The following INPP5D variants were observed in gnomAD, a reference collection of about 807,000 sequenced individuals.
The protein encoded by INPP5D is inositol polyphosphate-5-phosphatase D.
In INPP5D, 33 loss-of-function variants were observed where a neutral mutation model predicts 122.9. The ratio of observed to expected loss-of-function variants is 0.27; its 90% CI spans 0.20 to 0.36. The LOEUF is 0.36. Among genes scored for constraint, INPP5D ranks in the 10% least tolerant of loss-of-function variants. INPP5D has a pLI of 1.00. For missense variants in INPP5D, 1,053 were observed against 1,412.7 expected, an observed-to-expected ratio of 0.75 and a Z score of 4.08; for synonymous variants, 584 against 576.2, an observed-to-expected ratio of 1.01 and a Z score of -0.19.
rs1190727447 is a variant in INPP5D, at chr2:233,198,091, G to A, written c.2694-4G>A. On this transcript the variant is annotated splice_polypyrimidine_tract_variant and splice_region_variant and intron_variant, in intron 24 of 26. Coordinates refer to ENST00000445964, the MANE Select transcript of INPP5D (RefSeq NM_001017915.3). ...TGAGATGTGACTCCATGTCCTCCCT[G>A]CAGGGCCCCTCCGTGCAGTGGCTCC... The A allele has an allele frequency of 6.3e-7, 1 of 1,585,858 alleles. No homozygotes were observed. The highest frequency in any genetic ancestry group is 1.8e-5 in the Admixed American group (1 of 56,866).
chr2:233,113,953 C>T (rs1053368340), intron 2 of INPP5D, among the ~76,000 whole-genome samples: 2 of 145,062 alleles, frequency 1.4e-5, no homozygotes, highest in African/African-American at 2.7e-5. Flanking sequence ...GTCGCCCAGG[C>T]TGGATGGAGT....
In INPP5D at chr2:233,207,881, A is replaced by C. The variant is rs940326968; in HGVS notation, c.*1173A>C. ...CCCATGATGGAAGTCTGCGTAACCA[A>C]TAAATTGTGCCTTTCTCACTCAGCT... On this transcript the variant is annotated 3_prime_UTR_variant, in exon 27 of 27. Coordinates refer to ENST00000445964, the MANE Select transcript of INPP5D (RefSeq NM_001017915.3). This position sits in a 1 kb window ranked among gnomAD's most constrained non-coding sequence, Gnocchi z 4.6. 3 of 152,380 alleles carry C rather than the reference A, an allele frequency of 2.0e-5. No homozygotes were observed. Among genetic ancestry groups the C allele is most frequent in the African/African-American group, 7.2e-5 (3 of 41,446 alleles). 9.4% of individuals were successfully genotyped at this position (152,380 alleles called of 1,614,324 possible). A position where few individuals can be genotyped will look rare whatever the true frequency, so the allele number is the denominator to read the frequency against.
intron 1 of INPP5D, among the ~76,000 whole-genome samples, chr2:233,066,617 CT>C (rs201139975): frequency 0.011 from 1,693 of 151,776 alleles, 38 homozygotes; most frequent in African/African-American, 0.039. Context: ...TCTTAATTTT[CT>C]TTTTTTCCAA....
intron 6 of INPP5D, chr2:233,141,171 G>A (rs1693624205): frequency 6.6e-6 from 1 of 152,146 alleles, no homozygotes; most frequent in Non-Finnish European, 1.5e-5. Context: ...CCATTTGTAT[G>A]CAAATGTGAA....
chr2:233,186,841 C>T (rs1210255181), intron 21 of INPP5D, among the ~76,000 whole-genome samples: 1 of 149,478 alleles, frequency 6.7e-6, no homozygotes, highest in Non-Finnish European at 1.5e-5. Context: ...TCCTGCCTCA[C>T]CCTCCTGAGT....
chr2:233,060,920 C>T (rs983836475), intron 1 of INPP5D, among the ~76,000 whole-genome samples: 2 of 152,110 alleles, frequency 1.3e-5, no homozygotes, highest in Admixed American at 6.5e-5. Context: ...CTTTTGGAGC[C>T]AGGAGGAAGC....
intron 2 of INPP5D, among the ~76,000 whole-genome samples, chr2:233,096,425 G>C (rs1479023351): frequency 6.6e-6 from 1 of 152,204 alleles, no homozygotes; most frequent in East Asian, 1.9e-4. Context: ...GCAGAGCTGG[G>C]CGGATCACCA....
chr2:233,198,049 A>G (rs762060505), intron 24 of INPP5D, 46 bp from the exon 25 acceptor site: 1 of 1,502,084 alleles, frequency 6.7e-7, no homozygotes, highest in East Asian at 2.3e-5. Context: ...GCTGACCCCG[A>G]GAAGGGAAGG....
Position 233,161,612 on chromosome 2 carries a change from C to G in INPP5D, c.1138-112C>G, listed in dbSNP as rs773831487. Reference sequence around the variant, plus strand: ...TTTCCAGGTTGCTGTCCTGGAAGTTCACACTGATTTACGCTCCTCTCAGTT... The same window carrying G: ...TTTCCAGGTTGCTGTCCTGGAAGTTGACACTGATTTACGCTCCTCTCAGTT... On this transcript the variant is annotated intron_variant, in intron 10 of 26. Transcript: ENST00000445964. The G allele has an allele frequency of 1.9e-5, 27 of 1,385,752 alleles. 1 individual carries two copies. Among genetic ancestry groups the G allele is most frequent in the Admixed American group, 1.2e-4 (4 of 34,614 alleles). 85.8% of individuals were successfully genotyped at this position (1,385,752 alleles called of 1,614,324 possible).
Position 233,164,684 on chromosome 2 carries a change from A to G in INPP5D, c.1555+260A>G, listed in dbSNP as rs560938290. On this transcript the variant is annotated intron_variant, in intron 13 of 26. Coordinates refer to ENST00000445964, the MANE Select transcript of INPP5D (RefSeq NM_001017915.3). This position sits in a 1 kb window ranked among gnomAD's most constrained non-coding sequence, Gnocchi z 4.3. The stretch of plus-strand genomic sequence containing the variant: ...ATCTTGGGTGGAGCTCAGGGTTCCA[A>G]GTTTCTGACAGGTTCCCAGGCGACT... Among the ~76,000 whole-genome samples the G allele has an allele frequency of 6.6e-6, 1 of 152,268 alleles. No homozygotes were observed. Among genetic ancestry groups the G allele is most frequent in the South Asian group, 2.1e-4 (1 of 4,820 alleles).
chr2:233,140,465 C>A (rs1693610397), intron 6 of INPP5D: 1 of 152,230 alleles, frequency 6.6e-6, no homozygotes, highest in African/African-American at 2.4e-5. Flanking sequence ...ATACCTGCAA[C>A]AAAGCTTAGG....
At chr2:233,080,018 C>T (rs1308409368) in intron 2 of INPP5D, among the ~76,000 whole-genome samples, 1 of 152,210 alleles carries the variant, frequency 6.6e-6, no homozygotes, top group Non-Finnish European at 1.5e-5. Flanking sequence ...CAACCTCCAC[C>T]TCCCAGGTTC....
intron 22 of INPP5D, among the ~76,000 whole-genome samples, chr2:233,191,528 C>T (rs889312314): frequency 9.9e-5 from 15 of 152,120 alleles, no homozygotes; most frequent in African/African-American, 2.4e-4. Context: ...ACAGCCACAG[C>T]ATATGAGGAA....
intron 2 of INPP5D, among the ~76,000 whole-genome samples, chr2:233,089,042 G>C (rs1691924236): frequency 2.0e-5 from 3 of 152,192 alleles, no homozygotes; most frequent in Non-Finnish European, 4.4e-5. Flanking sequence ...TATTCCTTAA[G>C]GGTCAGGGGT....
In INPP5D at chr2:233,197,410, C is replaced by T. The variant is rs1296477451; in HGVS notation, c.2694-685C>T. On this transcript the variant is annotated intron_variant, in intron 24 of 26. Transcript: ENST00000445964. The surrounding 1 kb of genome is among the most constrained non-coding windows in gnomAD (Gnocchi z 4.4). Reference sequence around the variant, plus strand: ...ACACAAATGTGTGAGCTGATGTGTTCCAGAGGAACCCCTGCTGGAGTCTGC... The same window carrying T: ...ACACAAATGTGTGAGCTGATGTGTTTCAGAGGAACCCCTGCTGGAGTCTGC... Among the ~76,000 whole-genome samples the T allele has an allele frequency of 1.3e-5, 2 of 152,090 alleles. No individual in the cohort carries two copies. The highest frequency in any genetic ancestry group is 2.9e-5 in the Non-Finnish European group (2 of 67,982).
In INPP5D at chr2:233,163,670, C is replaced by T. The variant is rs749087989; in HGVS notation, c.1241-37C>T. On this transcript the variant is annotated intron_variant, in intron 11 of 26. Coordinates refer to ENST00000445964, the MANE Select transcript of INPP5D (RefSeq NM_001017915.3). ...TCTCCTAATGCTTTGACTCGATGTG[C>T]CTTTGACTCACTTGGTGTTGGGTTT... 3.1e-6 allele frequency: 5 copies of T among 1,612,632 alleles called. No individual in the cohort carries two copies. In the Admixed American group the frequency reaches 8.4e-5, roughly 27 times the overall value.
At chr2:233,083,894 CT>C (rs1429923530) in intron 2 of INPP5D, among the ~76,000 whole-genome samples, 2 of 150,988 alleles carry the variant, frequency 1.3e-5, no homozygotes, top group African/African-American at 4.9e-5. Flanking sequence ...TTCTAACATC[CT>C]TCCCACCGAG....
chr2:233,158,776 TTG>T, intron 10 of INPP5D, among the ~76,000 whole-genome samples: 2 of 152,152 alleles, frequency 1.3e-5, no homozygotes, highest in Admixed American at 1.3e-4. Flanking sequence ...GATTGATTGA[TTG>T]ATTGATTGAC....
At chr2:233,137,486 T>C in intron 5 of INPP5D, among the ~76,000 whole-genome samples, 1 of 147,480 alleles carries the variant, frequency 6.8e-6, no homozygotes. Flanking sequence ...TGGTGGCGTC[T>C]CCCTCTGTTC....
Sources: allele counts gnomAD v4.1 joint callset (sites outside exome capture counted in the v4.1 genomes callset), GRCh38; gene constraint gnomAD v4.1.1; non-coding constraint Gnocchi (gnomAD v3.1); transcripts MANE v1.5; gene names NCBI Gene and HGNC (gene_info 2026-07-23, HGNC 2026-07-21).